The following RAP1A variants were observed in gnomAD, a reference collection of about 807,000 sequenced individuals.
The protein encoded by RAP1A is RAP1A, member of RAS oncogene family, also known as ras-related protein Rap-1A.
In RAP1A, 6 loss-of-function variants were observed where a neutral mutation model predicts 26.4. The observed-to-expected ratio is 0.23, with a 90% CI of 0.12 to 0.45. The LOEUF (loss-of-function observed/expected upper bound fraction) is 0.45. Ranked by LOEUF, RAP1A falls within the 20% of genes least tolerant of loss-of-function variation. RAP1A has a pLI of 0.99. For missense variants in RAP1A, 121 were observed against 217.2 expected (o/e 0.56, Z 2.78); for synonymous variants, 73 against 79.4 (o/e 0.92, Z 0.43).
At chr1:111,573,554 C>T (rs190046988) in intron 1 of RAP1A, among the ~76,000 whole-genome samples, 5 of 152,216 alleles carry the variant, frequency 3.3e-5, no homozygotes, top group South Asian at 2.1e-4. Flanking sequence ...AGGCTGGTCT[C>T]GAACTCCTGA....
At chr1:111,652,478 A>G (rs769572098) in intron 1 of RAP1A, among the ~76,000 whole-genome samples, 139 of 152,248 alleles carry the variant, frequency 9.1e-4, no homozygotes, top group Non-Finnish European at 1.5e-3. Flanking sequence ...TACTTTTTAA[A>G]GAGTTTTTTT....
At chr1:111,619,570 C>T (rs1017044978), upstream of RAP1A, among the ~76,000 whole-genome samples, 2 of 152,284 alleles carry the variant, frequency 1.3e-5, no homozygotes, top group East Asian at 3.9e-4. Context: ...CCGGTCTTAC[C>T]CACCTCCCAT....
chr1:111,689,191 C>G (rs990904999), intron 1 of RAP1A, among the ~76,000 whole-genome samples: 2 of 152,032 alleles, frequency 1.3e-5, no homozygotes, highest in Non-Finnish European at 2.9e-5. Context: ...AAATGCACTG[C>G]TCCCCATTCC....
chr1:111,695,635 A>AT (rs1317279451), intron 3 of RAP1A, among the ~76,000 whole-genome samples: 1 of 152,174 alleles, frequency 6.6e-6, no homozygotes, highest in Non-Finnish European at 1.5e-5. Flanking sequence ...TAATGTGGAC[A>AT]TTTTCCTGGT....
Position 111,569,391 on chromosome 1 carries a change from CAA to C in RAP1A, c.-28+26900_-28+26901del, listed in dbSNP as rs34387699. Among the ~76,000 whole-genome samples, 502 of 104,470 alleles carry C rather than the reference CAA, an allele frequency of 4.8e-3. 4 individuals carry two copies. The highest frequency in any genetic ancestry group is 9.8e-3 in the African/African-American group (269 of 27,336). 68.5% of individuals were successfully genotyped at this position (104,470 alleles called of 152,430 possible). On this transcript the variant is annotated intron_variant, in intron 1 of 7. Coordinates refer to the RAP1A transcript ENST00000356415. ...TCCAGACAGAGTGAGACTCCGTCTC[CAA>C]AAAAAAAAAAAAAAAAAGTTACACT... is the stretch of plus-strand genomic sequence containing the variant.
intron 1 of RAP1A, among the ~76,000 whole-genome samples, chr1:111,584,134 G>C (rs904040376): frequency 6.6e-6 from 1 of 151,828 alleles, no homozygotes; most frequent in Non-Finnish European, 1.5e-5. Context: ...CACCCGCCTC[G>C]GCCTCTCAAA....
chr1:111,606,258 G>A (rs1393453159), intron 1 of RAP1A, among the ~76,000 whole-genome samples: 1 of 152,004 alleles, frequency 6.6e-6, no homozygotes, highest in Non-Finnish European at 1.5e-5. Context: ...CCTAAAGACA[G>A]GTAAAATGCC....
chr1:111,641,213 A>G, intron 1 of RAP1A, among the ~76,000 whole-genome samples: 1 of 152,330 alleles, frequency 6.6e-6, no homozygotes, highest in African/African-American at 2.4e-5. Context: ...CAATGAGACA[A>G]GAAGACTAGT....
At chr1:111,672,442 A>T (rs780709075) in intron 1 of RAP1A, among the ~76,000 whole-genome samples, 14 of 152,204 alleles carry the variant, frequency 9.2e-5, no homozygotes, top group Non-Finnish European at 2.1e-4. Context: ...CAGCTGGGTG[A>T]ATCGAGTCTA....
intron 6 of RAP1A, among the ~76,000 whole-genome samples, chr1:111,708,671 T>C (rs985058084): frequency 3.9e-5 from 6 of 152,216 alleles, no homozygotes; most frequent in Non-Finnish European, 7.3e-5. Flanking sequence ...ATAACGTGTT[T>C]ATGTAAGAGA....
intron 1 of RAP1A, among the ~76,000 whole-genome samples, chr1:111,653,631 C>T (rs529473883): frequency 1.4e-5 from 2 of 140,546 alleles, no homozygotes; most frequent in South Asian, 2.2e-4. Context: ...TGCAGTGAGC[C>T]GAGATCACGC....
intron 1 of RAP1A, among the ~76,000 whole-genome samples, chr1:111,685,519 A>G (rs1174841618): frequency 2.6e-5 from 4 of 152,264 alleles, no homozygotes; most frequent in Non-Finnish European, 4.4e-5. Context: ...AAACATATGA[A>G]AAAAAGCTGA....
chr1:111,602,493 C>T (rs1401553414), intron 1 of RAP1A, among the ~76,000 whole-genome samples: 2 of 152,106 alleles, frequency 1.3e-5, no homozygotes, highest in African/African-American at 4.8e-5. Flanking sequence ...TTCCCCTTTT[C>T]CTGCTGAGAC....
intron 1 of RAP1A, among the ~76,000 whole-genome samples, chr1:111,558,486 G>A (rs1300360756): frequency 3.3e-5 from 5 of 152,044 alleles, no homozygotes; most frequent in Admixed American, 6.6e-5. Context: ...AGCACCTGGA[G>A]GGAAATAATT....
intron 1 of RAP1A, among the ~76,000 whole-genome samples, chr1:111,675,964 T>C (rs970701354): frequency 6.6e-6 from 1 of 152,164 alleles, no homozygotes; most frequent in Non-Finnish European, 1.5e-5. Context: ...AAAGATCTTG[T>C]GAGACTTATT....
At chr1:111,677,370 A>G (rs138964422) in intron 1 of RAP1A, among the ~76,000 whole-genome samples, 456 of 148,040 alleles carry the variant, frequency 3.1e-3, no homozygotes, top group African/African-American at 0.011. Flanking sequence ...TCTTTTACAC[A>G]TTGAATTACT....
chr1:111,676,941 G>A (rs984313126), intron 1 of RAP1A, among the ~76,000 whole-genome samples: 7 of 151,938 alleles, frequency 4.6e-5, no homozygotes, highest in African/African-American at 9.7e-5. Flanking sequence ...TTACAGGTGC[G>A]TGCCACCACA....
chr1:111,678,762 G>GT (rs59251403), intron 1 of RAP1A, among the ~76,000 whole-genome samples: 21,042 of 145,542 alleles, frequency 0.14, 2,321 homozygotes, highest in African/African-American at 0.32. Flanking sequence ...GTTCAGGTGG[G>GT]TTTTTTTTTT....
intron 1 of RAP1A, among the ~76,000 whole-genome samples, chr1:111,587,362 C>T (rs749948052): frequency 1.5e-4 from 23 of 152,116 alleles, no homozygotes; most frequent in African/African-American, 1.2e-4. Flanking sequence ...GCTATCAGGT[C>T]GGAACTCCCT....
Sources: gnomAD v4.1 joint callset for allele counts (sites outside exome capture counted in the v4.1 genomes callset) on GRCh38, gnomAD v4.1.1 for gene constraint, MANE v1.5 for transcripts, NCBI Gene and HGNC (gene_info 2026-07-23, HGNC 2026-07-21) for gene names.